Variants in MAK observed in about 807,000 individuals in gnomAD.
MAK encodes the protein serine/threonine-protein kinase MAK.
MAK carries 65 observed loss-of-function variants against 82.6 expected under a neutral mutation model. The ratio of observed to expected loss-of-function variants is 0.79; its 90% CI spans 0.64 to 0.97. The LOEUF is 0.97. MAK is among the 50% of genes least tolerant of loss of function. The pLI, the probability that MAK is intolerant of heterozygous loss-of-function variation, is 0.00. For synonymous variants in MAK, 250 were observed against 274.2 expected, an observed-to-expected ratio of 0.91 and a Z score of 0.87; for missense variants, 703 against 780.2, an observed-to-expected ratio of 0.90 and a Z score of 1.18.
At chr6:10,813,150 T>G (rs1777187402) in intron 5 of MAK, among the ~76,000 whole-genome samples, 1 of 46,306 alleles carries the variant, frequency 2.2e-5, no homozygotes, top group Admixed American at 2.5e-4. Context: ...TTTTTTTTTT[T>G]TTTTTTTTTT....
intron 8 of MAK, chr6:10,797,914 T>C (rs1472301868): frequency 3.9e-6 from 5 of 1,266,318 alleles, no homozygotes; most frequent in Non-Finnish European, 5.1e-6. Flanking sequence ...TAAGGGTTAC[T>C]TGCATTCTCA....
chr6:10,786,111 G>A (rs952425708), intron 10 of MAK, among the ~76,000 whole-genome samples: 1 of 152,064 alleles, frequency 6.6e-6, no homozygotes, highest in Non-Finnish European at 1.5e-5. Context: ...TGGGCATGGT[G>A]GCGGCCACCT....
chr6:10,802,118 C>T, intron 7 of MAK, 59 bp from the exon 8 acceptor site: 2 of 1,401,230 alleles, frequency 1.4e-6, no homozygotes, highest in Non-Finnish European at 2.0e-6. Context: ...TTTTAGTAAT[C>T]CATTTAAAAA....
rs1261762239 is a variant in MAK at position 10,793,339 on chromosome 6, AG to A, written c.1144-1493del. On this transcript the variant is annotated intron_variant, in intron 9 of 14. Transcript: ENST00000354489. This position sits in a 1 kb window ranked among gnomAD's most constrained non-coding sequence, Gnocchi z 4.6. The stretch of plus-strand genomic sequence containing the variant: ...GACAAATGGATCAACGTCAATCTAG[AG>A]AAAGGTTCTAGTAGCCTGCCCAAGA... Among the ~76,000 whole-genome samples, 1 of 152,196 alleles carries A rather than the reference AG, an allele frequency of 6.6e-6. No individual in the cohort carries two copies. The highest frequency in any genetic ancestry group is 2.4e-5 in the African/African-American group (1 of 41,458).
Position 10,808,952 on chromosome 6 carries a change from A to G in MAK, c.359-10T>C. 1 of 1,609,114 alleles carries G rather than the reference A, an allele frequency of 6.2e-7. No individual in the cohort carries two copies. The highest frequency in any genetic ancestry group is 8.5e-7 in the Non-Finnish European group (1 of 1,175,732). On this transcript the variant is annotated splice_polypyrimidine_tract_variant and intron_variant, in intron 5 of 14. Transcript: ENST00000354489. ...TCCCTATGAAAAAAGCCTTGATGAT[A>G]TACGGAGAAAAAAAAATACAGTAAA...
Position 10,808,959 on chromosome 6 carries a change from GAA to G in MAK, c.359-19_359-18del, listed in dbSNP as rs577019954. On this transcript the variant is annotated intron_variant, in intron 5 of 14. Coordinates refer to ENST00000354489, the MANE Select transcript of MAK (RefSeq NM_001242957.3). The stretch of plus-strand genomic sequence containing the variant: ...GAAAAAAGCCTTGATGATATACGGA[GAA>G]AAAAAAATACAGTAAATCATTACGT... The G allele has an allele frequency of 6.3e-7, 1 of 1,584,242 alleles. No individual in the cohort carries two copies. Among genetic ancestry groups the G allele is most frequent in the Non-Finnish European group, 8.6e-7 (1 of 1,158,800 alleles).
At chr6:10,830,124 CGTGTGT>C (rs35519970) in intron 2 of MAK, among the ~76,000 whole-genome samples, 5,570 of 141,532 alleles carry the variant, frequency 0.039, 147 homozygotes, top group Admixed American at 0.084. Flanking sequence ...CCTGTGTGCA[CGTGTGT>C]GTGTGTGTGT....
At position 10,784,584 on chromosome 6, in the gene MAK, A is replaced by G. The variant is rs756170824; in HGVS notation, c.1317-12T>C. On this transcript the variant is annotated splice_polypyrimidine_tract_variant and intron_variant, in intron 10 of 14. Coordinates refer to ENST00000354489, the MANE Select transcript of MAK (RefSeq NM_001242957.3). ...CTGGCTCTGGAAGCCTTGAAAGCCA[A>G]TGAAAGGTAGCATTACAGCACGAAC... is the stretch of plus-strand genomic sequence containing the variant. 43 of 1,613,902 alleles carry G rather than the reference A, an allele frequency of 2.7e-5. No homozygotes were observed. Among genetic ancestry groups the G allele is most frequent in the Middle Eastern group, 1.6e-4 (1 of 6,084 alleles).
intron 2 of MAK, among the ~76,000 whole-genome samples, chr6:10,827,328 A>T (rs1173557004): frequency 1.3e-5 from 2 of 152,106 alleles, no homozygotes; most frequent in African/African-American, 4.8e-5. Context: ...CCAGGCCTTT[A>T]AAAATATTTT....
intron 11 of MAK, among the ~76,000 whole-genome samples, chr6:10,775,840 G>A (rs1773419154): frequency 6.6e-6 from 1 of 152,182 alleles, no homozygotes; most frequent in Admixed American, 6.5e-5. Flanking sequence ...CCAGGCTGGA[G>A]TGCCATGGTG....
At chr6:10,789,240 A>G (rs3846837) in intron 10 of MAK, among the ~76,000 whole-genome samples, 3,370 of 152,110 alleles carry the variant, frequency 0.022, 54 homozygotes, top group Middle Eastern at 0.031. Context: ...AGACTTCCAT[A>G]CTATACCATG....
intron 12 of MAK, among the ~76,000 whole-genome samples, chr6:10,773,981 G>A (rs954280558): frequency 1.3e-5 from 2 of 152,016 alleles, no homozygotes; most frequent in South Asian, 4.1e-4. Flanking sequence ...TTACAGGAGT[G>A]GGCCACTGCA....
At chr6:10,780,711 C>G (rs1773887810) in intron 11 of MAK, among the ~76,000 whole-genome samples, 2 of 151,904 alleles carry the variant, frequency 1.3e-5, no homozygotes, top group Admixed American at 1.3e-4. Context: ...CCTTAGCCTC[C>G]CAAAGTGCTG....
At chr6:10,831,697 G>C (rs1342504394) in intron 1 of MAK, among the ~76,000 whole-genome samples, 1 of 152,046 alleles carries the variant, frequency 6.6e-6, no homozygotes, top group South Asian at 2.1e-4. Flanking sequence ...AGTGAGCTAT[G>C]ATCACACCAC....
rs9461214 is a variant in MAK at position 10,807,502 on chromosome 6, C to T, written c.491+1308G>A. ...GCACCAAGGCGCGTGACACCACACC[C>T]GGCTAATTTTGTATTTTTAGTAGAA... is the stretch of plus-strand genomic sequence containing the variant. On this transcript the variant is annotated intron_variant, in intron 6 of 14. Coordinates refer to ENST00000354489, the MANE Select transcript of MAK (RefSeq NM_001242957.3). Among the ~76,000 whole-genome samples, 434 of 151,804 alleles carry T rather than the reference C, an allele frequency of 2.9e-3. 3 individuals are homozygous for T. The highest frequency in any genetic ancestry group is 0.01 in the African/African-American group (423 of 41,412).
chr6:10,822,146 CAAAAAAAAAAAAA>C (rs751345869), intron 2 of MAK, among the ~76,000 whole-genome samples: 1 of 36,550 alleles, frequency 2.7e-5, no homozygotes, highest in Non-Finnish European at 5.7e-5. Context: ...GACTCCGTCT[CAAAAAAAAAAAAA>C]AAAAAAAAAG....
rs1003669152 is a variant in MAK, at chr6:10,808,836, T to C, written c.465A>G (p.Pro155=). 22 of 1,613,978 alleles carry C rather than the reference T, an allele frequency of 1.4e-5. No individual in the cohort carries two copies. Among genetic ancestry groups the C allele is most frequent in the Admixed American group, 1.7e-5 (1 of 60,004 alleles). Residue 155 remains proline (P), a synonymous_variant, in exon 6 of 15, where the codon CCA becomes CCG. Coordinates refer to ENST00000354489, the MANE Select transcript of MAK (RefSeq NM_001242957.3). ...GLARELRSQP[P]YTDYVSTRWY... ...ATCTGGTAGATACATAATCAGTGTA[T>C]GGTGGCTGTGACCTTAATTCTCTTG...
intron 2 of MAK, among the ~76,000 whole-genome samples, chr6:10,820,606 C>G (rs1777874568): frequency 6.6e-6 from 1 of 152,146 alleles, no homozygotes; most frequent in Non-Finnish European, 1.5e-5. Flanking sequence ...CTATGATTGA[C>G]TATAAGACGA....
intron 2 of MAK, among the ~76,000 whole-genome samples, chr6:10,824,894 C>T (rs1169023882): frequency 6.6e-6 from 1 of 152,208 alleles, no homozygotes; most frequent in Admixed American, 6.5e-5. Flanking sequence ...AGGAACACCA[C>T]AGCCGATGAT....
Sources: gnomAD v4.1 joint callset for allele counts (sites outside exome capture counted in the v4.1 genomes callset) on GRCh38, gnomAD v4.1.1 for gene constraint, Gnocchi (gnomAD v3.1) non-coding constraint, MANE v1.5 for transcripts, NCBI Gene and HGNC (gene_info 2026-07-23, HGNC 2026-07-21) for gene names.